EDA: variants seen among roughly 807,000 people sequenced by gnomAD.
The protein encoded by EDA is ectodysplasin A.
EDA carries 2 observed loss-of-function variants against 23.6 expected under a neutral mutation model. The ratio of observed to expected loss-of-function variants is 0.08; its 90% confidence interval spans 0.03 to 0.27. The LOEUF is 0.27. Among genes scored for constraint, EDA ranks in the 10% least tolerant of loss-of-function variants. The pLI, the probability that EDA is intolerant of heterozygous loss-of-function variation, is 1.00. For synonymous variants in EDA, 131 were observed against 132.0 expected, an observed-to-expected ratio of 0.99 and a Z score of 0.05; for missense variants, 229 against 324.2, an observed-to-expected ratio of 0.71 and a Z score of 2.26.
chrX:69,631,659 C>T (rs1401896173), intron 1 of EDA, among the ~76,000 whole-genome samples: 8 of 106,108 alleles, frequency 7.5e-5, no homozygotes, highest in African/African-American at 2.8e-4. Flanking sequence ...TGGTAGAATA[C>T]TCCTTTGTCT....
At chrX:69,951,071 C>G (rs1213787204) in intron 1 of EDA, among the ~76,000 whole-genome samples, 1 of 98,491 alleles carries the variant, frequency 1.0e-5, no homozygotes, top group African/African-American at 3.7e-5. Context: ...TGCACATGGA[C>G]CCTAAAACTT....
intron 1 of EDA, among the ~76,000 whole-genome samples, chrX:69,744,648 C>T (rs765499410): frequency 8.9e-6 from 1 of 112,048 alleles, no homozygotes; most frequent in Admixed American, 9.4e-5. Flanking sequence ...TGGTATCCAT[C>T]TATTGGTTTT....
At chrX:69,810,060 G>A (rs1245727189) in intron 1 of EDA, among the ~76,000 whole-genome samples, 1 of 106,627 alleles carries the variant, frequency 9.4e-6, no homozygotes, top group Non-Finnish European at 1.9e-5. Context: ...AGGAGTTCGA[G>A]ACCAGCCTGA....
At chrX:70,004,415 C>T (rs191797851) in intron 2 of EDA, among the ~76,000 whole-genome samples, 271 of 111,888 alleles carry the variant, frequency 2.4e-3, no homozygotes, top group African/African-American at 8.0e-3. Context: ...CTTTTTGTCA[C>T]GCTTTACAGC....
At chrX:69,686,727 A>G (rs1934554788) in intron 1 of EDA, among the ~76,000 whole-genome samples, 1 of 111,412 alleles carries the variant, frequency 9.0e-6, no homozygotes, top group Non-Finnish European at 1.9e-5. Context: ...ACTTAGCATA[A>G]TATTTTCAGG....
intron 1 of EDA, among the ~76,000 whole-genome samples, chrX:69,956,126 A>G (rs767215405): frequency 9.0e-6 from 1 of 111,101 alleles, no homozygotes; most frequent in African/African-American, 3.3e-5. Context: ...GTCATGACTA[A>G]CTCCCAGAAG....
chrX:70,011,211 C>A lies in EDA; in HGVS notation c.503-12007C>A, dbSNP rs1416813163. Among the ~76,000 whole-genome samples, 30 of 111,674 alleles carry A rather than the reference C, an allele frequency of 2.7e-4. No homozygotes were observed. The Admixed American group carries it at 2.8e-3, about 10-fold the overall frequency. The stretch of plus-strand genomic sequence containing the variant: ...ACATACATTTGCAACTAATCCAAGT[C>A]CATTTTGAAATAACACTATACTACT... On this transcript the variant is annotated intron_variant, in intron 2 of 7. Transcript: ENST00000374552.
intron 1 of EDA, among the ~76,000 whole-genome samples, chrX:69,776,922 C>T (rs1447593189): frequency 2.7e-5 from 3 of 110,994 alleles, no homozygotes; most frequent in Non-Finnish European, 5.7e-5. Context: ...TGCAGAATTC[C>T]TGAAGTACCT....
chrX:69,718,707 T>C (rs903654019), intron 1 of EDA, among the ~76,000 whole-genome samples: 5 of 111,638 alleles, frequency 4.5e-5, no homozygotes, highest in African/African-American at 1.6e-4. Context: ...AATATTTTTA[T>C]GAGGATTTTT....
intron 1 of EDA, among the ~76,000 whole-genome samples, chrX:69,894,590 GT>G (rs2017980967): frequency 9.0e-6 from 1 of 111,414 alleles, no homozygotes; most frequent in Admixed American, 9.6e-5. Context: ...TTTGAGCAGT[GT>G]TTTGTAATTC....
intron 1 of EDA, among the ~76,000 whole-genome samples, chrX:69,948,006 A>G (rs987388838): frequency 8.9e-6 from 1 of 112,048 alleles, no homozygotes; most frequent in Non-Finnish European, 1.9e-5. Flanking sequence ...TGTCCAGAGG[A>G]CAAGTCCACA....
chrX:69,888,284 CTATAG>C (rs1276284915), intron 1 of EDA, among the ~76,000 whole-genome samples: 1 of 110,024 alleles, frequency 9.1e-6, no homozygotes, highest in Non-Finnish European at 1.9e-5. Context: ...AAAACAAAAC[CTATAG>C]TAAATACACA....
chrX:70,027,800 G>A (rs1195785276), intron 3 of EDA, 57 bp from the exon 4 acceptor site: 9 of 553,992 alleles, frequency 1.6e-5, no homozygotes, highest in South Asian at 2.5e-5. Context: ...TCCAGCCTGG[G>A]CAACAGAGCA....
At chrX:69,679,536 T>C (rs1450494342) in intron 1 of EDA, among the ~76,000 whole-genome samples, 1 of 111,099 alleles carries the variant, frequency 9.0e-6, no homozygotes, top group Non-Finnish European at 1.9e-5. Context: ...ACATCTTCCT[T>C]GTTTAGTCTT....
intron 1 of EDA, among the ~76,000 whole-genome samples, chrX:69,880,879 C>T (rs1029476814): frequency 3.6e-5 from 4 of 112,016 alleles, no homozygotes; most frequent in Non-Finnish European, 5.6e-5. Flanking sequence ...CATGCCCCTT[C>T]TCCACAAGGA....
At chrX:69,953,999 T>G (rs1395030770) in intron 1 of EDA, among the ~76,000 whole-genome samples, 1 of 111,575 alleles carries the variant, frequency 9.0e-6, no homozygotes. Flanking sequence ...TCAAATCTCT[T>G]CAACCCGTAT....
At chrX:69,727,910 T>C (rs954466053) in intron 1 of EDA, among the ~76,000 whole-genome samples, 3 of 111,635 alleles carry the variant, frequency 2.7e-5, no homozygotes, top group Non-Finnish European at 5.6e-5. Context: ...TATTTTTTGA[T>C]GTACTATGTG....
chrX:69,969,643 T>C (rs1444629724), intron 2 of EDA, among the ~76,000 whole-genome samples: 9 of 112,140 alleles, frequency 8.0e-5, no homozygotes, highest in Non-Finnish European at 1.7e-4. Context: ...GAGAAAGGCA[T>C]ATTTGCGGTA....
chrX:69,663,597 C>T (rs1325591694), intron 1 of EDA, among the ~76,000 whole-genome samples: 1 of 112,572 alleles, frequency 8.9e-6, no homozygotes, highest in African/African-American at 3.2e-5. Flanking sequence ...ATGTGGGGTG[C>T]AAGCCCTCAG....
Sources: gnomAD v4.1 joint callset for allele counts (sites outside exome capture counted in the v4.1 genomes callset) on GRCh38, gnomAD v4.1.1 for gene constraint, MANE v1.5 for transcripts, NCBI Gene and HGNC (gene_info 2026-07-23, HGNC 2026-07-21) for gene names.